KLC1: variants seen among roughly 807,000 people sequenced by gnomAD.
KLC1 encodes the protein kinesin light chain 1.
In KLC1, 30 loss-of-function variants were observed where a neutral mutation model predicts 84.2. The ratio of observed to expected loss-of-function variants is 0.36; its 90% confidence interval spans 0.27 to 0.48. KLC1 has a LOEUF of 0.48. Among genes scored for constraint, KLC1 ranks in the 20% least tolerant of loss-of-function variants. The probability of loss-of-function intolerance (pLI) is 0.99; values close to 1 mark genes in which losing one functional copy is unlikely to be tolerated. For synonymous variants in KLC1, 289 were observed against 293.3 expected, an observed-to-expected ratio of 0.99 and a Z score of 0.15; for missense variants, 499 against 805.4, an observed-to-expected ratio of 0.62 and a Z score of 4.60.
rs77381814 is a variant in KLC1, at chr14:103,699,410, C to T, written c.1849-1245C>T. On this transcript the variant is annotated intron_variant, in intron 15 of 16. Transcript: ENST00000334553. The stretch of plus-strand genomic sequence containing the variant: ...GCTCTGGAAGGCACTGCTCAGCTCA[C>T]GCAGCGTGGCCCCCAGGGACTGCAG... 1,758 of 1,612,440 alleles carry T rather than the reference C, an allele frequency of 1.1e-3. 19 individuals carry two copies. In the African/African-American group the frequency reaches 0.02, roughly 18 times the overall value.
intron 2 of KLC1, among the ~76,000 whole-genome samples, chr14:103,657,214 T>G (rs761605388): frequency 2.0e-5 from 3 of 152,078 alleles, no homozygotes; most frequent in Non-Finnish European, 2.9e-5. Context: ...TATAAAAAAT[T>G]ATGTTGGGCC....
At chr14:103,655,702 G>A (rs1395075083) in intron 2 of KLC1, among the ~76,000 whole-genome samples, 1 of 151,576 alleles carries the variant, frequency 6.6e-6, no homozygotes, top group African/African-American at 2.4e-5. Flanking sequence ...TCTGTCCCCC[G>A]GGTTCAAGTG....
chr14:103,700,441 G>A (rs1238364739), intron 15 of KLC1: 5 of 481,706 alleles, frequency 1.0e-5, no homozygotes, highest in South Asian at 1.0e-4. Context: ...TGATGGGGGA[G>A]GGTGACACAG....
intron 3 of KLC1, among the ~76,000 whole-genome samples, chr14:103,659,681 C>G (rs904391648): frequency 6.6e-6 from 1 of 152,166 alleles, no homozygotes; most frequent in Non-Finnish European, 1.5e-5. Context: ...ATTTGTGTGT[C>G]TCGTTCGAAT....
chr14:103,695,339 GTATATA>G (rs56377187), intron 15 of KLC1: 249,893 of 379,634 alleles, frequency 0.66, 77,697 homozygotes, highest in South Asian at 0.72. Flanking sequence ...GTGTGTGTGT[GTATATA>G]TATATATATA....
chr14:103,690,044 G>A (rs1213581308), intron 14 of KLC1, among the ~76,000 whole-genome samples: 2 of 152,100 alleles, frequency 1.3e-5, no homozygotes, highest in South Asian at 2.1e-4. Flanking sequence ...GCCGGGCCAG[G>A]TGGTGCATGC....
chr14:103,685,001 C>T, intron 13 of KLC1: 1 of 1,205,282 alleles, frequency 8.3e-7, no homozygotes, highest in Non-Finnish European at 1.2e-6. Context: ...GAAAATGAAG[C>T]TCGGGCTGGT....
intron 3 of KLC1, among the ~76,000 whole-genome samples, chr14:103,659,776 TG>T (rs1289965623): frequency 6.6e-6 from 1 of 152,152 alleles, no homozygotes; most frequent in African/African-American, 2.4e-5. Context: ...CTTGGGCTAC[TG>T]TAACAAATAC....
intron 1 of KLC1, among the ~76,000 whole-genome samples, chr14:103,644,249 C>T (rs1181664651): frequency 4.7e-4 from 67 of 143,624 alleles, no homozygotes; most frequent in Non-Finnish European, 4.0e-4. Flanking sequence ...AAGTTATTCT[C>T]GATTCTTTCT....
At position 103,675,736 on chromosome 14, in the gene KLC1, C is replaced by T. The variant is rs1293436287; in HGVS notation, c.1359C>T (p.Tyr453=). Residue 453 remains tyrosine (Y), a synonymous_variant, in exon 11 of 17, where the codon TAC becomes TAT. Coordinates refer to ENST00000334553, the MANE Select transcript of KLC1 (RefSeq NM_001394837.1). ...GTSFGEYGGW[Y]KACKVDSPTV... ...CTTTTGGAGAGTATGGCGGCTGGTA[C>T]AAAGCCTGCAAAGTTGATAGGTATG... 6.2e-7 allele frequency: 1 copy of T among 1,613,626 alleles called. No homozygotes were observed. The highest frequency in any genetic ancestry group is 8.5e-7 in the Non-Finnish European group (1 of 1,179,886).
chr14:103,637,651 A>G (rs1043688170), intron 1 of KLC1, among the ~76,000 whole-genome samples: 1 of 152,164 alleles, frequency 6.6e-6, no homozygotes, highest in African/African-American at 2.4e-5. Context: ...CCAAAGGCCA[A>G]ATAGATGCAT....
intron 1 of KLC1, among the ~76,000 whole-genome samples, chr14:103,629,830 C>G (rs1392228898): frequency 6.6e-6 from 1 of 152,202 alleles, no homozygotes. Context: ...CCCGCATCCC[C>G]GGCTTGGCCC....
chr14:103,632,635 C>T (rs1595191748), intron 1 of KLC1, among the ~76,000 whole-genome samples: 2 of 151,948 alleles, frequency 1.3e-5, no homozygotes, highest in East Asian at 1.9e-4. Flanking sequence ...GCTGGAGAAT[C>T]GCTTGAACTG....
At chr14:103,674,940 C>T (rs1249921043) in intron 9 of KLC1, among the ~76,000 whole-genome samples, 1 of 152,156 alleles carries the variant, frequency 6.6e-6, no homozygotes, top group Non-Finnish European at 1.5e-5. Flanking sequence ...TTACCTGTTG[C>T]TTGGTGTCCA....
chr14:103,685,972 T>G, intron 13 of KLC1: 1 of 1,119,552 alleles, frequency 8.9e-7, no homozygotes, highest in Middle Eastern at 4.2e-4. Flanking sequence ...CAAGGTGTTG[T>G]TGCAATGGCA....
chr14:103,690,506 G>A (rs1312076081), intron 14 of KLC1, among the ~76,000 whole-genome samples: 2 of 152,188 alleles, frequency 1.3e-5, no homozygotes, highest in Non-Finnish European at 1.5e-5. Context: ...CACACGGGTG[G>A]GTGCCCTGGG....
At chr14:103,648,159 C>T (rs2078101454) in intron 1 of KLC1, among the ~76,000 whole-genome samples, 1 of 151,976 alleles carries the variant, frequency 6.6e-6, no homozygotes, top group African/African-American at 2.4e-5. Context: ...CCATGTTGGC[C>T]AGGATGGTCT....
At position 103,665,414 on chromosome 14, in the gene KLC1, CT is replaced by C. The variant is rs1290662888; in HGVS notation, c.797+2489del. ...TCTGTCTGTCTGTCTGTCTTTCTGT[CT>C]TGTCTTGTCTTGTCCTGTCCTGTCC... On this transcript the variant is annotated intron_variant, in intron 5 of 16. Transcript: ENST00000334553. Among the ~76,000 whole-genome samples the C allele has an allele frequency of 4.3e-4, 65 of 151,734 alleles. 1 individual carries two copies. Among genetic ancestry groups the C allele is most frequent in the African/African-American group, 1.6e-3 (65 of 41,476 alleles).
chr14:103,692,706 C>G (rs2082190780), intron 15 of KLC1, among the ~76,000 whole-genome samples: 1 of 152,170 alleles, frequency 6.6e-6, no homozygotes, highest in Admixed American at 6.5e-5. Context: ...TTAATGTATT[C>G]TGTTAAAGTA....
Sources: allele counts gnomAD v4.1 joint callset (sites outside exome capture counted in the v4.1 genomes callset), GRCh38; gene constraint gnomAD v4.1.1; transcripts MANE v1.5; gene names NCBI Gene and HGNC (gene_info 2026-07-23, HGNC 2026-07-21).